The following EXOC6B variants were observed in gnomAD, a reference collection of about 807,000 sequenced individuals.
The protein encoded by EXOC6B is SEC15 homolog B.
A neutral mutation model predicts 113.5 loss-of-function variants in EXOC6B; 54 were observed. That is an observed-to-expected ratio of 0.48 (90% CI 0.38 to 0.60). The LOEUF (loss-of-function observed/expected upper bound fraction) is 0.60, where lower values mean the gene tolerates loss of function less well. Among genes scored for constraint, EXOC6B ranks in the 20% least tolerant of loss-of-function variants. EXOC6B has a pLI of 0.00. For missense variants in EXOC6B, 797 were observed against 977.5 expected (o/e 0.82, Z 2.46); for synonymous variants, 357 against 339.0 (o/e 1.05, Z -0.58).
At chr2:72,563,083 C>A (rs1471192878) in intron 7 of EXOC6B, among the ~76,000 whole-genome samples, 1 of 152,138 alleles carries the variant, frequency 6.6e-6, no homozygotes, top group African/African-American at 2.4e-5. Context: ...ACTAAGATAT[C>A]TGTGCCTCAG....
At chr2:72,561,009 C>T (rs1703857464) in intron 7 of EXOC6B, among the ~76,000 whole-genome samples, 2 of 151,866 alleles carry the variant, frequency 1.3e-5, no homozygotes, top group Non-Finnish European at 2.9e-5. Context: ...ACAAAGAGTC[C>T]ACAGGTGATC....
chr2:72,784,272 T>C (rs573833074), intron 1 of EXOC6B, among the ~76,000 whole-genome samples: 41 of 152,340 alleles, frequency 2.7e-4, no homozygotes, highest in African/African-American at 9.9e-4. Flanking sequence ...AAAATCAGGC[T>C]GTGTGATGCC....
intron 20 of EXOC6B, among the ~76,000 whole-genome samples, chr2:72,232,421 AT>A (rs542215536): frequency 1.6e-4 from 25 of 152,362 alleles, no homozygotes; most frequent in African/African-American, 4.8e-4. Context: ...CATAAGAGCC[AT>A]TAAACATTCA....
rs368471844 is a variant in EXOC6B at position 72,571,180 on chromosome 2, GAGA to G, written c.846+4309_846+4311del. ...TTTTTAAGTTCTATCTAGATATTTAGAGAAGAACATTAACACCTGCATATGCCC... is the reference window on the plus strand; with the variant it reads ...TTTTTAAGTTCTATCTAGATATTTAGAGAACATTAACACCTGCATATGCCC... On this transcript the variant is annotated intron_variant, in intron 7 of 21. Coordinates refer to ENST00000272427, the MANE Select transcript of EXOC6B (RefSeq NM_015189.3). 1.4e-3 allele frequency among the ~76,000 whole-genome samples: 212 copies of G among 152,124 alleles called. 1 individual carries two copies. The highest frequency in any genetic ancestry group is 4.6e-3 in the African/African-American group (189 of 41,496).
At position 72,551,168 on chromosome 2, in the gene EXOC6B, A is replaced by G. The variant is rs60522949; in HGVS notation, c.915+8285T>C. ...TAAATTATTTCAATACTCATGAGTC[A>G]CCACTGGAGTTCACTTGAGCAAAAT... On this transcript the variant is annotated intron_variant, in intron 8 of 21. Coordinates refer to ENST00000272427, the MANE Select transcript of EXOC6B (RefSeq NM_015189.3). Among the ~76,000 whole-genome samples, 504 of 152,236 alleles carry G rather than the reference A, an allele frequency of 3.3e-3. 2 individuals are homozygous for G. Among genetic ancestry groups the G allele is most frequent in the African/African-American group, 0.012 (480 of 41,534 alleles).
chr2:72,572,033 A>C (rs1378701279), intron 7 of EXOC6B, among the ~76,000 whole-genome samples: 1 of 152,240 alleles, frequency 6.6e-6, no homozygotes, highest in African/African-American at 2.4e-5. Context: ...TAGAATTATA[A>C]AATTTTATTT....
At chr2:72,406,492 T>A (rs13027388) in intron 18 of EXOC6B, among the ~76,000 whole-genome samples, 1,709 of 152,226 alleles carry the variant, frequency 0.011, 8 homozygotes, top group Non-Finnish European at 0.017. Context: ...ACAGAAATTA[T>A]AACAAACTGT....
chr2:72,757,427 G>A (rs1349680790), intron 1 of EXOC6B, among the ~76,000 whole-genome samples: 2 of 152,086 alleles, frequency 1.3e-5, no homozygotes, highest in African/African-American at 2.4e-5. Context: ...ATTTCCTCTG[G>A]CCTACAGTAT....
At chr2:72,532,512 G>A (rs1169328067) in intron 8 of EXOC6B, among the ~76,000 whole-genome samples, 7 of 151,976 alleles carry the variant, frequency 4.6e-5, no homozygotes, top group Admixed American at 3.3e-4. Flanking sequence ...AGATAAGTGA[G>A]GACAAAAGTA....
At chr2:72,311,684 G>A (rs141597512) in intron 20 of EXOC6B, among the ~76,000 whole-genome samples, 1,702 of 152,142 alleles carry the variant, frequency 0.011, 29 homozygotes, top group African/African-American at 0.033. Flanking sequence ...TTAAGATGTT[G>A]ACACCTTGTG....
chr2:72,690,108 T>A (rs991962396), intron 6 of EXOC6B, among the ~76,000 whole-genome samples: 2 of 152,224 alleles, frequency 1.3e-5, no homozygotes, highest in African/African-American at 2.4e-5. Flanking sequence ...GAAAAAACAC[T>A]GACCTACTTC....
intron 8 of EXOC6B, among the ~76,000 whole-genome samples, chr2:72,533,988 C>A (rs1702149379): frequency 6.6e-6 from 1 of 152,110 alleles, no homozygotes; most frequent in Non-Finnish European, 1.5e-5. Context: ...ATAAATTAAT[C>A]TCACTGAACC....
At chr2:72,703,817 T>C (rs1309418978) in intron 6 of EXOC6B, among the ~76,000 whole-genome samples, 14 of 136,850 alleles carry the variant, frequency 1.0e-4, no homozygotes, top group African/African-American at 3.1e-4. Context: ...CTTAAGGAGA[T>C]TTTGGGCTGA....
chr2:72,691,329 G>A (rs1459380051), intron 6 of EXOC6B, among the ~76,000 whole-genome samples: 2 of 152,044 alleles, frequency 1.3e-5, no homozygotes, highest in Non-Finnish European at 2.9e-5. Flanking sequence ...CTCCAGACCT[G>A]TGAGATAATA....
At chr2:72,565,552 T>C (rs541302514) in intron 7 of EXOC6B, among the ~76,000 whole-genome samples, 9 of 151,978 alleles carry the variant, frequency 5.9e-5, no homozygotes, top group Non-Finnish European at 1.3e-4. Context: ...AATCGCTACA[T>C]TATTATAGGT....
intron 20 of EXOC6B, among the ~76,000 whole-genome samples, chr2:72,282,219 C>G (rs1421164908): frequency 6.6e-6 from 1 of 151,832 alleles, no homozygotes; most frequent in Non-Finnish European, 1.5e-5. Flanking sequence ...ATTGTCCATA[C>G]TAAAAATAAT....
At chr2:72,384,143 C>A (rs750943939) in intron 18 of EXOC6B, among the ~76,000 whole-genome samples, 3 of 151,780 alleles carry the variant, frequency 2.0e-5, no homozygotes, top group East Asian at 1.9e-4. Flanking sequence ...TACTCCTGAA[C>A]CTAAAAGTTA....
intron 8 of EXOC6B, among the ~76,000 whole-genome samples, chr2:72,537,469 A>AC (rs34825569): frequency 2.0e-5 from 3 of 150,042 alleles, no homozygotes; most frequent in Non-Finnish European, 3.0e-5. Flanking sequence ...AAAAAAAAAA[A>AC]CCCCACAAAC....
chr2:72,499,882 G>A lies in EXOC6B; in HGVS notation c.1239+19C>T. ...ATAATACCAATCTAGATGAGCATAT[G>A]TAAACAGAAATCACATACCTGAAGT... is the stretch of plus-strand genomic sequence containing the variant. On this transcript the variant is annotated intron_variant, in intron 12 of 21. Transcript: ENST00000272427. 1.3e-6 allele frequency: 2 copies of A among 1,518,368 alleles called. No individual in the cohort carries two copies. Among genetic ancestry groups the A allele is most frequent in the South Asian group, 1.2e-5 (1 of 83,418 alleles). The allele number at this position is 1,518,368 out of a possible 1,614,324, so 94.1% of individuals were successfully genotyped here.
Sources: gnomAD v4.1 joint callset for allele counts (sites outside exome capture counted in the v4.1 genomes callset) on GRCh38, gnomAD v4.1.1 for gene constraint, MANE v1.5 for transcripts, NCBI Gene and HGNC (gene_info 2026-07-23, HGNC 2026-07-21) for gene names.